Variants in NEK6 observed in about 807,000 individuals in gnomAD.
The protein encoded by NEK6 is NIMA related kinase 6, also known as serine/threonine-protein kinase Nek6.
A neutral mutation model predicts 43.5 loss-of-function variants in NEK6; 27 were observed. The observed-to-expected ratio is 0.62, with a 90% CI of 0.46 to 0.86. NEK6 has a LOEUF of 0.86. Among genes scored for constraint, NEK6 ranks in the 40% least tolerant of loss-of-function variants. The probability of loss-of-function intolerance (pLI) is 0.00; values close to 1 mark genes in which losing one functional copy is unlikely to be tolerated. For missense variants in NEK6, 318 were observed against 414.4 expected (o/e 0.77, Z 2.02); for synonymous variants, 167 against 164.1 (o/e 1.02, Z -0.14).
intron 8 of NEK6, among the ~76,000 whole-genome samples, chr9:124,346,953 C>T (rs1167959503): frequency 2.0e-5 from 3 of 152,212 alleles, no homozygotes; most frequent in African/African-American, 7.2e-5. Flanking sequence ...CGCCACAGGC[C>T]TGTGGGTGGG....
intron 3 of NEK6, 89 bp from the exon 4 acceptor site, chr9:124,313,834 C>A: frequency 1.5e-6 from 2 of 1,318,918 alleles, no homozygotes; most frequent in Non-Finnish European, 2.2e-6. Context: ...GGTGGGAGAG[C>A]CGGGACTGGA....
At chr9:124,305,713 G>A (rs1018894555) in intron 2 of NEK6, among the ~76,000 whole-genome samples, 7 of 152,206 alleles carry the variant, frequency 4.6e-5, no homozygotes, top group African/African-American at 1.7e-4. Flanking sequence ...GTTGCAGAGA[G>A]GTGGAAGCTC....
rs1174384069 is a variant in NEK6 at position 124,351,293 on chromosome 9, C to T, written c.*346C>T. ...TAATTCCTCCAGTGACCTGTCAAGG[C>T]TTATGCTAACAGGAGACTTGCAGGA... On this transcript the variant is annotated 3_prime_UTR_variant, in exon 10 of 10. Coordinates refer to ENST00000320246, the MANE Select transcript of NEK6 (RefSeq NM_014397.6). 8.4e-6 allele frequency: 2 copies of T among 239,518 alleles called. No individual in the cohort carries two copies. Among genetic ancestry groups the T allele is most frequent in the East Asian group, 1.2e-4 (1 of 8,586 alleles). The allele number at this position is 239,518 out of a possible 1,614,324, so 14.8% of individuals were successfully genotyped here. A position where few individuals can be genotyped will look rare whatever the true frequency, so the allele number is the denominator to read the frequency against.
At chr9:124,311,082 G>C (rs1332885036) in intron 2 of NEK6, among the ~76,000 whole-genome samples, 3 of 152,192 alleles carry the variant, frequency 2.0e-5, no homozygotes, top group Non-Finnish European at 4.4e-5. Context: ...TGCTCCGCAG[G>C]CATCTCAGGC....
intron 1 of NEK6, among the ~76,000 whole-genome samples, chr9:124,283,502 C>G (rs1190709093): frequency 1.3e-5 from 2 of 152,174 alleles, no homozygotes; most frequent in Non-Finnish European, 2.9e-5. Context: ...GGAAAACCCA[C>G]CTAGACTTGG....
At chr9:124,271,802 T>G (rs1213020920) in intron 1 of NEK6, among the ~76,000 whole-genome samples, 1 of 152,266 alleles carries the variant, frequency 6.6e-6, no homozygotes, top group Admixed American at 6.5e-5. Flanking sequence ...CTCCTGCCCC[T>G]GAGCAGTCCA....
At chr9:124,331,854 C>T (rs900049883) in intron 7 of NEK6, among the ~76,000 whole-genome samples, 2 of 152,212 alleles carry the variant, frequency 1.3e-5, no homozygotes, top group African/African-American at 2.4e-5. Flanking sequence ...CATCCCAGGC[C>T]GCCTCCTGCC....
chr9:124,308,537 C>T (rs1450090338), intron 2 of NEK6, among the ~76,000 whole-genome samples: 1 of 152,078 alleles, frequency 6.6e-6, no homozygotes, highest in Non-Finnish European at 1.5e-5. Context: ...ACCTGCTACT[C>T]CCCAGCTACT....
chr9:124,293,629 A>T (rs1191886199), intron 1 of NEK6, among the ~76,000 whole-genome samples: 3 of 152,108 alleles, frequency 2.0e-5, no homozygotes, highest in African/African-American at 4.8e-5. Context: ...CTTTTGTCTG[A>T]TCTGTGACCA....
chr9:124,302,392 G>A (rs560067660), intron 2 of NEK6, among the ~76,000 whole-genome samples: 4 of 152,322 alleles, frequency 2.6e-5, no homozygotes, highest in African/African-American at 4.8e-5. Context: ...TGAGAACAGC[G>A]AGGGACTCAG....
intron 7 of NEK6, among the ~76,000 whole-genome samples, chr9:124,338,662 TG>T (rs1829413380): frequency 6.6e-6 from 1 of 152,242 alleles, no homozygotes; most frequent in Admixed American, 6.5e-5. Flanking sequence ...CGGGTGGCCA[TG>T]GGCAGAGCTA....
intron 1 of NEK6, among the ~76,000 whole-genome samples, chr9:124,263,580 T>G (rs890253604): frequency 6.6e-6 from 1 of 152,178 alleles, no homozygotes; most frequent in Non-Finnish European, 1.5e-5. Context: ...ATGAGAGACA[T>G]GGAAAATCTT....
At chr9:124,348,178 G>A (rs7049097) in intron 9 of NEK6, among the ~76,000 whole-genome samples, 72,970 of 152,088 alleles carry the variant, frequency 0.48, 18,291 homozygotes, top group Non-Finnish European at 0.56. Flanking sequence ...ACAGGGGCAG[G>A]ATGTGGCAGG....
At chr9:124,261,413 GAGGGA>G in intron 1 of NEK6, 2 of 985,484 alleles carry the variant, frequency 2.0e-6, no homozygotes, top group South Asian at 9.4e-5. Context: ...GTGGAGAGTG[GAGGGA>G]CCTGGTGAAT....
rs1010471501 is a variant in NEK6 at position 124,351,420 on chromosome 9, T to C, written c.*473T>C. The C allele has an allele frequency of 1.3e-5, 2 of 154,668 alleles. No homozygotes were observed. The highest frequency in any genetic ancestry group is 2.4e-5 in the African/African-American group (1 of 41,612). The allele number at this position is 154,668 out of a possible 1,614,324, so 9.6% of individuals were successfully genotyped here. ...CAAGCTGTGTGCTTAATTTACTCTGTTGTAAAGGGATAAAGTGGAAATCAT... is the reference window on the plus strand; with the variant it reads ...CAAGCTGTGTGCTTAATTTACTCTGCTGTAAAGGGATAAAGTGGAAATCAT... On this transcript the variant is annotated 3_prime_UTR_variant, in exon 10 of 10. Coordinates refer to ENST00000320246, the MANE Select transcript of NEK6 (RefSeq NM_014397.6).
chr9:124,271,304 G>A (rs758901697), intron 1 of NEK6, among the ~76,000 whole-genome samples: 1 of 152,230 alleles, frequency 6.6e-6, no homozygotes, highest in African/African-American at 2.4e-5. Flanking sequence ...CGCCAAACAC[G>A]TGGTGCCCCA....
At position 124,351,335 on chromosome 9, in the gene NEK6, T is replaced by C. The variant is rs58099088; in HGVS notation, c.*388T>C. 4.4e-3 allele frequency: 839 copies of C among 191,592 alleles called. 11 individuals are homozygous for C. The highest frequency in any genetic ancestry group is 0.018 in the African/African-American group (785 of 42,746). 11.9% of individuals were successfully genotyped at this position (191,592 alleles called of 1,614,324 possible). A position where few individuals can be genotyped will look rare whatever the true frequency, so the allele number is the denominator to read the frequency against. On this transcript the variant is annotated 3_prime_UTR_variant, in exon 10 of 10. Coordinates refer to ENST00000320246, the MANE Select transcript of NEK6 (RefSeq NM_014397.6). ...CTTGCAGGAGACCGTGTGATTTGTGTAGTGAGCCTTTGAAAATGGTTAGTA... is the reference window on the plus strand; with the variant it reads ...CTTGCAGGAGACCGTGTGATTTGTGCAGTGAGCCTTTGAAAATGGTTAGTA...
chr9:124,315,063 G>T, intron 4 of NEK6, among the ~76,000 whole-genome samples: 1 of 152,376 alleles, frequency 6.6e-6, no homozygotes. Flanking sequence ...CAGATTAGCA[G>T]TTTTTTCTGC....
chr9:124,306,543 C>G (rs1408491183), intron 2 of NEK6, among the ~76,000 whole-genome samples: 2 of 152,134 alleles, frequency 1.3e-5, no homozygotes, highest in South Asian at 4.1e-4. Context: ...CCTGCTGACT[C>G]AGAGGAGTTG....
Sources: allele counts gnomAD v4.1 joint callset (sites outside exome capture counted in the v4.1 genomes callset), GRCh38; gene constraint gnomAD v4.1.1; transcripts MANE v1.5; gene names NCBI Gene and HGNC (gene_info 2026-07-23, HGNC 2026-07-21).